Variants in MIB1 observed in about 807,000 individuals in gnomAD.
The protein encoded by MIB1 is MIB E3 ubiquitin protein ligase 1.
A neutral mutation model predicts 124.5 loss-of-function variants in MIB1; 278 were observed. That is an observed-to-expected ratio of 2.23 (90% confidence interval 2.02 to 2.47). The LOEUF is 2.47. Among genes scored for constraint, MIB1 ranks in the 30% most tolerant of loss-of-function variants. The pLI is 0.00. For missense variants in MIB1, 957 were observed against 1,254.4 expected (o/e 0.76, Z 3.58); for synonymous variants, 446 against 429.4 (o/e 1.04, Z -0.48).
At chr18:21,717,353 A>G (rs2040694014) in intron 1 of MIB1, among the ~76,000 whole-genome samples, 2 of 152,238 alleles carry the variant, frequency 1.3e-5, no homozygotes, top group Non-Finnish European at 2.9e-5. Flanking sequence ...TTCATGACCA[A>G]GAACCCAAAA....
chr18:21,730,709 C>A (rs1194795426), intron 1 of MIB1, among the ~76,000 whole-genome samples: 2 of 152,140 alleles, frequency 1.3e-5, no homozygotes, highest in Non-Finnish European at 2.9e-5. Context: ...TGATGGTCTG[C>A]CAAACAATTT....
chr18:21,828,937 G>C, intron 12 of MIB1: 1 of 450,834 alleles, frequency 2.2e-6, no homozygotes, highest in Admixed American at 2.7e-5. Context: ...ACCATATGAC[G>C]GTCATTCACG....
At chr18:21,761,043 A>G (rs945576579) in intron 1 of MIB1, among the ~76,000 whole-genome samples, 1 of 152,210 alleles carries the variant, frequency 6.6e-6, no homozygotes. Flanking sequence ...AGACAGATAC[A>G]GTTATTAGAA....
chr18:21,858,599 G>A lies in MIB1; in HGVS notation c.2833G>A (p.Ala945Thr). 2.5e-6 allele frequency: 4 copies of A among 1,604,560 alleles called. No homozygotes were observed. Among genetic ancestry groups the A allele is most frequent in the Non-Finnish European group, 2.6e-6 (3 of 1,171,674 alleles). The change falls in exon 20 of 21, where the codon GCA (alanine) becomes ACA (threonine). Residue 945 changes from alanine to threonine, a missense_variant. Ala to Thr is a moderately conservative substitution (Grantham distance 58). Transcript: ENST00000261537. Reference protein sequence around the residue: ...QKDKDNTNVNADVQKLQQQLQ... With the variant: ...QKDKDNTNVNTDVQKLQQQLQ... ...GGACAAGGATAATACCAATGTCAAT[G>A]CAGATGTGCAAAAGTTGCAGCAACA...
intron 18 of MIB1, among the ~76,000 whole-genome samples, chr18:21,856,281 AC>A (rs912258427): frequency 7.9e-5 from 12 of 152,002 alleles, no homozygotes; most frequent in African/African-American, 1.4e-4. Flanking sequence ...CAAAAAAAAA[AC>A]AATCATAACA....
chr18:21,730,444 T>A (rs542634528), intron 1 of MIB1, among the ~76,000 whole-genome samples: 1 of 152,252 alleles, frequency 6.6e-6, no homozygotes, highest in Non-Finnish European at 1.5e-5. Flanking sequence ...GGTGTGCGCC[T>A]GTAGTCCTGG....
chr18:21,710,147 A>C (rs941663941), intron 1 of MIB1, among the ~76,000 whole-genome samples: 5 of 150,752 alleles, frequency 3.3e-5, no homozygotes, highest in African/African-American at 1.2e-4. Context: ...TTGAGATGGA[A>C]TCTCTCTCTG....
At chr18:21,836,833 C>T (rs903521383) in intron 12 of MIB1, among the ~76,000 whole-genome samples, 10 of 152,134 alleles carry the variant, frequency 6.6e-5, no homozygotes, top group African/African-American at 2.4e-4. Flanking sequence ...ATGGCATTAA[C>T]ATCATGACTA....
intron 9 of MIB1, among the ~76,000 whole-genome samples, chr18:21,800,919 G>A (rs1167211971): frequency 2.6e-5 from 4 of 151,908 alleles, no homozygotes; most frequent in Non-Finnish European, 5.9e-5. Context: ...AAAGATAGTC[G>A]GATTTCCTTT....
intron 6 of MIB1, among the ~76,000 whole-genome samples, chr18:21,790,801 T>C (rs1209261603): frequency 6.6e-6 from 1 of 152,224 alleles, no homozygotes; most frequent in Admixed American, 6.5e-5. Context: ...TTTATAACAG[T>C]TTTGAAAACA....
upstream of MIB1, among the ~76,000 whole-genome samples, chr18:21,739,845 G>C (rs2040822479): frequency 6.6e-6 from 1 of 151,876 alleles, no homozygotes; most frequent in African/African-American, 2.4e-5. Context: ...AACCCAGGAG[G>C]CGGAGGTTGC....
intron 3 of MIB1, among the ~76,000 whole-genome samples, chr18:21,771,483 G>T (rs1028991017): frequency 6.6e-6 from 1 of 152,158 alleles, no homozygotes; most frequent in Non-Finnish European, 1.5e-5. Context: ...TTTTGCTACA[G>T]ATTGCATGTT....
intron 17 of MIB1, 63 bp from the exon 18 acceptor site, chr18:21,853,077 C>A: frequency 9.3e-7 from 1 of 1,077,500 alleles, no homozygotes; most frequent in Non-Finnish European, 1.4e-6. Flanking sequence ...TATAATTGAA[C>A]TTGTTAAGAG....
At chr18:21,744,096 GGTT>G (rs1568183319) in intron 1 of MIB1, among the ~76,000 whole-genome samples, 1 of 143,484 alleles carries the variant, frequency 7.0e-6, no homozygotes, top group African/African-American at 2.6e-5. Context: ...AATTCTTCAG[GGTT>G]TTTTTTTTTT....
intron 1 of MIB1, among the ~76,000 whole-genome samples, chr18:21,758,141 T>C (rs2041056076): frequency 6.6e-6 from 1 of 152,210 alleles, no homozygotes; most frequent in Admixed American, 6.5e-5. Flanking sequence ...TTGGGAAGGT[T>C]AAATAAAATG....
intron 1 of MIB1, among the ~76,000 whole-genome samples, chr18:21,751,582 T>C (rs2146387844): frequency 6.6e-6 from 1 of 152,300 alleles, no homozygotes; most frequent in Admixed American, 6.5e-5. Context: ...TTATTAATAA[T>C]TAATTGGATT....
At chr18:21,835,486 G>C (rs1217433381) in intron 12 of MIB1, among the ~76,000 whole-genome samples, 1 of 152,062 alleles carries the variant, frequency 6.6e-6, no homozygotes, top group Non-Finnish European at 1.5e-5. Flanking sequence ...TATAGGAGGA[G>C]CCCGGGTGCG....
intron 10 of MIB1, among the ~76,000 whole-genome samples, chr18:21,815,054 T>TATATATATAA (rs2041816615): frequency 8.9e-6 from 1 of 112,612 alleles, no homozygotes; most frequent in African/African-American, 3.3e-5. Context: ...TATATATATA[T>TATATATATAA]ATAAAATTAT....
chr18:21,844,037 G>C (rs752743757), intron 14 of MIB1, 55 bp from the exon 15 acceptor site: 128 of 1,571,254 alleles, frequency 8.1e-5, no homozygotes, highest in Non-Finnish European at 1.1e-4. Flanking sequence ...TAGATATGTT[G>C]AAGTTTCTTA....
Sources: gnomAD v4.1 joint callset for allele counts (sites outside exome capture counted in the v4.1 genomes callset) on GRCh38, gnomAD v4.1.1 for gene constraint, MANE v1.5 for transcripts, NCBI Gene and HGNC (gene_info 2026-07-23, HGNC 2026-07-21) for gene names.